The following PREP variants were observed in gnomAD, a reference collection of about 807,000 sequenced individuals.
The protein encoded by PREP is dJ355L5.1 (prolyl endopeptidase).
Under a neutral mutation model 87.6 loss-of-function variants are expected in PREP, and 29 were observed. The ratio of observed to expected loss-of-function variants is 0.33; its 90% CI spans 0.25 to 0.45. PREP has a LOEUF of 0.45. Ranked by LOEUF, PREP falls within the 20% of genes least tolerant of loss-of-function variation. The probability of loss-of-function intolerance (pLI) is 1.00; values close to 1 mark genes in which losing one functional copy is unlikely to be tolerated. For missense variants in PREP, 695 were observed against 886.5 expected (o/e 0.78, Z 2.74); for synonymous variants, 337 against 328.6 (o/e 1.03, Z -0.28).
chr6:105,375,253 A>G (rs1031336665), intron 4 of PREP, among the ~76,000 whole-genome samples: 2 of 151,950 alleles, frequency 1.3e-5, no homozygotes, highest in African/African-American at 4.8e-5. Flanking sequence ...GGGCTCTATA[A>G]CTCCCATCTT....
Position 105,397,943 on chromosome 6 carries a change from T to G in PREP, c.46-16A>C, listed in dbSNP as rs1214495654. 7 of 1,565,662 alleles carry G rather than the reference T, an allele frequency of 4.5e-6. No homozygotes were observed. The highest frequency in any genetic ancestry group is 6.2e-6 in the Non-Finnish European group (7 of 1,136,108). On this transcript the variant is annotated splice_polypyrimidine_tract_variant and intron_variant, in intron 1 of 14. Transcript: ENST00000652536. Reference sequence around the variant, plus strand: ...AATCCTGTACCTGTAAAAAACAAAATGAGGTATTAGATAATTACTCTCTAA... The same window carrying G: ...AATCCTGTACCTGTAAAAAACAAAAGGAGGTATTAGATAATTACTCTCTAA...
chr6:105,283,736 C>G (rs924311751), intron 12 of PREP, among the ~76,000 whole-genome samples: 1 of 152,150 alleles, frequency 6.6e-6, no homozygotes, highest in African/African-American at 2.4e-5. Flanking sequence ...TTCATCATGG[C>G]CTAAATTTTG....
In PREP at chr6:105,277,868, T is replaced by G. The variant is rs1171849857; in HGVS notation, c.*276A>C. ...CAGCAATCTAATATTCACAATGTGT[T>G]TGTTGCCATTTAGCTATTTATCCCA... On this transcript the variant is annotated 3_prime_UTR_variant, in exon 15 of 15. Coordinates refer to ENST00000652536, the MANE Select transcript of PREP (RefSeq NM_002726.5). The G allele has an allele frequency of 2.3e-5, 11 of 482,154 alleles. No individual in the cohort carries two copies. Among genetic ancestry groups the G allele is most frequent in the African/African-American group, 1.7e-4 (9 of 51,938 alleles). The allele number at this position is 482,154 out of a possible 1,614,324, so 29.9% of individuals were successfully genotyped here.
At chr6:105,379,002 T>C (rs1454470074) in intron 2 of PREP, among the ~76,000 whole-genome samples, 1 of 152,204 alleles carries the variant, frequency 6.6e-6, no homozygotes, top group Non-Finnish European at 1.5e-5. Context: ...CCAAAGCTCA[T>C]TGATTACAAT....
In PREP at chr6:105,341,557, T is replaced by C. The variant is rs111673430; in HGVS notation, c.824-8052A>G. On this transcript the variant is annotated intron_variant, in intron 7 of 14. Transcript: ENST00000652536. The stretch of plus-strand genomic sequence containing the variant: ...AAGATCAGAGAAGAACTGAAGGAGA[T>C]AGAGACACAAAAAACCCTTCAAAAA... 3.4e-3 allele frequency among the ~76,000 whole-genome samples: 515 copies of C among 150,396 alleles called. 1 individual carries two copies. The highest frequency in any genetic ancestry group is 0.012 in the African/African-American group (478 of 41,134).
chr6:105,324,137 C>A (rs1390089011), intron 9 of PREP, among the ~76,000 whole-genome samples: 1 of 151,960 alleles, frequency 6.6e-6, no homozygotes, highest in Non-Finnish European at 1.5e-5. Flanking sequence ...GAATGCAGGT[C>A]AAAAAAATGG....
intron 2 of PREP, among the ~76,000 whole-genome samples, chr6:105,393,395 G>C (rs1305306985): frequency 6.6e-6 from 1 of 152,040 alleles, no homozygotes; most frequent in East Asian, 1.9e-4. Flanking sequence ...ACAGGGGCGG[G>C]GCAGGGGGTA....
At chr6:105,388,896 T>C (rs1446740644) in intron 2 of PREP, among the ~76,000 whole-genome samples, 1 of 152,232 alleles carries the variant, frequency 6.6e-6, no homozygotes, top group African/African-American at 2.4e-5. Context: ...GACGCTACTT[T>C]AAGGCTACTG....
intron 10 of PREP, among the ~76,000 whole-genome samples, chr6:105,305,629 ATAT>A (rs1222940960): frequency 6.6e-5 from 10 of 152,178 alleles, no homozygotes; most frequent in Admixed American, 6.5e-4. Flanking sequence ...TTTTTGATTT[ATAT>A]TCTGAACTTG....
chr6:105,367,564 T>C (rs199842177), intron 6 of PREP, among the ~76,000 whole-genome samples: 8 of 149,798 alleles, frequency 5.3e-5, no homozygotes, highest in African/African-American at 7.4e-5. Flanking sequence ...CCCAGCTACT[T>C]GGGAGGCTGA....
chr6:105,383,114 G>A (rs138176175), intron 2 of PREP, among the ~76,000 whole-genome samples: 1 of 152,282 alleles, frequency 6.6e-6, no homozygotes, highest in East Asian at 1.9e-4. Context: ...CAGGAGGGCA[G>A]GACAGTCAAG....
intron 10 of PREP, chr6:105,298,656 G>A (rs1212604770): frequency 4.6e-5 from 7 of 153,344 alleles, no homozygotes; most frequent in South Asian, 2.0e-4. Context: ...TCAAAGGAAC[G>A]GCCAGACTGG....
At chr6:105,343,772 G>A (rs1771724479) in intron 7 of PREP, among the ~76,000 whole-genome samples, 1 of 152,198 alleles carries the variant, frequency 6.6e-6, no homozygotes, top group Non-Finnish European at 1.5e-5. Context: ...ATGAAAAAAT[G>A]CTCATCATCA....
chr6:105,367,671 C>CAAA (rs112161765), intron 6 of PREP, among the ~76,000 whole-genome samples: 6 of 80,516 alleles, frequency 7.5e-5, no homozygotes, highest in African/African-American at 2.2e-4. Flanking sequence ...GACTCCGTCT[C>CAAA]AAAAAAAAAA....
chr6:105,316,414 T>C (rs973052365), intron 10 of PREP, among the ~76,000 whole-genome samples: 1 of 152,194 alleles, frequency 6.6e-6, no homozygotes, highest in Non-Finnish European at 1.5e-5. Context: ...CCCAGAACAA[T>C]GACGATCGTC....
At chr6:105,323,175 T>C in intron 10 of PREP, 1 of 1,189,156 alleles carries the variant, frequency 8.4e-7, no homozygotes. Context: ...AAGCTTGTGG[T>C]GACATGACAA....
chr6:105,342,537 A>T (rs1467402335), intron 7 of PREP, among the ~76,000 whole-genome samples: 1 of 152,214 alleles, frequency 6.6e-6, no homozygotes, highest in Non-Finnish European at 1.5e-5. Context: ...GGCCAGGGCA[A>T]TCAGGCAGGA....
At chr6:105,388,513 G>A (rs1027639209) in intron 2 of PREP, among the ~76,000 whole-genome samples, 5 of 151,908 alleles carry the variant, frequency 3.3e-5, no homozygotes, top group South Asian at 2.1e-4. Flanking sequence ...AAAAGGGAAC[G>A]TAGTGATTAG....
At chr6:105,302,112 C>A (rs1158841407) in intron 10 of PREP, among the ~76,000 whole-genome samples, 1 of 152,192 alleles carries the variant, frequency 6.6e-6, no homozygotes, top group Admixed American at 6.5e-5. Context: ...GGTCTGATCT[C>A]TTTGTAGTTA....
Sources: gnomAD v4.1 joint callset for allele counts (sites outside exome capture counted in the v4.1 genomes callset) on GRCh38, gnomAD v4.1.1 for gene constraint, MANE v1.5 for transcripts, NCBI Gene and HGNC (gene_info 2026-07-23, HGNC 2026-07-21) for gene names.